Variants in H1-10 observed in about 807,000 individuals in gnomAD.
H1-10 encodes histone H1.10.
For synonymous variants in H1-10, 191 were observed against 140.9 expected, an observed-to-expected ratio of 1.36 and a Z score of -2.52; for missense variants, 307 against 297.9, an observed-to-expected ratio of 1.03 and a Z score of -0.22.
Position 129,315,380 on chromosome 3 carries a change from C to G in H1-10, c.523G>C (p.Gly175Arg). 1 of 1,543,436 alleles carries G rather than the reference C, an allele frequency of 6.5e-7. No individual in the cohort carries two copies. Among genetic ancestry groups the G allele is most frequent in the Non-Finnish European group, 8.7e-7 (1 of 1,151,084 alleles). Residue 175 changes from glycine to arginine, a missense_variant, in exon 1 of 1, where the codon GGC (glycine) becomes CGC (arginine). Coordinates refer to ENST00000333762, the MANE Select transcript of H1-10 (RefSeq NM_006026.4). The part of the protein sequence containing the change: ...QKPEQRSHKK[G>R]AGAKKDKGGK... The stretch of plus-strand genomic sequence containing the variant: ...CCTTTGTCCTTCTTGGCGCCAGCGC[C>G]CTTCTTGTGCGAGCGCTGCTCCGGC...
In H1-10 at chr3:129,315,487, G is replaced by A. The variant is rs749847253; in HGVS notation, c.416C>T (p.Pro139Leu). ...GAPAAATAPA[P>L]TAHKAKKAAP... The stretch of plus-strand genomic sequence containing the variant: ...TGCCTTCTTCGCTTTGTGCGCGGTG[G>A]GGGCCGGGGCGGTGGCGGCCGCCGG... The change falls in exon 1 of 1, where the codon CCC becomes CTC. Residue 139 changes from proline to leucine, a missense_variant. Transcript: ENST00000333762. 6.6e-7 allele frequency: 1 copy of A among 1,510,166 alleles called. No homozygotes were observed. The highest frequency in any genetic ancestry group is 1.2e-5 in the South Asian group (1 of 81,026). 93.5% of individuals were successfully genotyped at this position (1,510,166 alleles called of 1,614,324 possible). A position where few individuals can be genotyped will look rare whatever the true frequency, so the allele number is the denominator to read the frequency against.
In H1-10 at chr3:129,315,897, G is replaced by A. The variant is rs1489333478; in HGVS notation, c.6C>T (p.Ser2=). The change falls in exon 1 of 1, where the codon TCC becomes TCT. Residue 2 remains serine (S), a synonymous_variant. Transcript: ENST00000333762. M[S]VELEEALPVT... ...CTGGCAGGGCCTCCTCGAGCTCCAC[G>A]GACATGGTAGCAAGAGGATTGGTGG... 1.1e-5 allele frequency: 17 copies of A among 1,587,726 alleles called. No individual in the cohort carries two copies. Among genetic ancestry groups the A allele is most frequent in the Middle Eastern group, 1.7e-4 (1 of 5,990 alleles).
chr3:129,315,939 G>A lies in H1-10; in HGVS notation c.-37C>T, dbSNP rs754154984. 1 of 1,503,852 alleles carries A rather than the reference G, an allele frequency of 6.6e-7. No individual in the cohort carries two copies. Among genetic ancestry groups the A allele is most frequent in the Non-Finnish European group, 8.9e-7 (1 of 1,120,940 alleles). 93.2% of individuals were successfully genotyped at this position (1,503,852 alleles called of 1,614,324 possible). A position where few individuals can be genotyped will look rare whatever the true frequency, so the allele number is the denominator to read the frequency against. On this transcript the variant is annotated 5_prime_UTR_variant, in exon 1 of 1. Coordinates refer to ENST00000333762, the MANE Select transcript of H1-10 (RefSeq NM_006026.4). ...GATTGGTGGCGGGCGGCGCGCGGAAGCCGGGGGGCCGCGCCGGGAAGAGGA... is the reference window on the plus strand; with the variant it reads ...GATTGGTGGCGGGCGGCGCGCGGAAACCGGGGGGCCGCGCCGGGAAGAGGA...
chr3:129,315,081 C>A lies in H1-10; in HGVS notation c.*180G>T. Reference sequence around the variant, plus strand: ...TGTTTCAAAAACCTAAAGCAAACAACGAAAAACGCTACATCGTTGGGGGAG... The same window carrying A: ...TGTTTCAAAAACCTAAAGCAAACAAAGAAAAACGCTACATCGTTGGGGGAG... On this transcript the variant is annotated 3_prime_UTR_variant, in exon 1 of 1. Coordinates refer to ENST00000333762, the MANE Select transcript of H1-10 (RefSeq NM_006026.4). 2 of 456,106 alleles carry A rather than the reference C, an allele frequency of 4.4e-6. No homozygotes were observed. Among genetic ancestry groups the A allele is most frequent in the Non-Finnish European group, 7.1e-6 (2 of 280,720 alleles). 28.3% of individuals were successfully genotyped at this position (456,106 alleles called of 1,614,324 possible).
Position 129,315,460 on chromosome 3 carries a change from G to T in H1-10, c.443C>A (p.Ala148Asp), listed in dbSNP as rs2071293205. 1.3e-6 allele frequency: 2 copies of T among 1,508,396 alleles called. No homozygotes were observed. The highest frequency in any genetic ancestry group is 2.5e-5 in the South Asian group (2 of 80,500). The allele number at this position is 1,508,396 out of a possible 1,614,324, so 93.4% of individuals were successfully genotyped here. The change falls in exon 1 of 1, where the codon GCC becomes GAC. Residue 148 changes from alanine to aspartate, a missense_variant. Physicochemically the swap from Ala to Asp is moderately radical, Grantham distance 126. Transcript: ENST00000333762. Reference protein sequence around the residue: ...APTAHKAKKAAPGAAGSRRAD... With the variant: ...APTAHKAKKADPGAAGSRRAD... ...GCGCCGGGAGCCGGCCGCGCCCGGG[G>T]CTGCCTTCTTCGCTTTGTGCGCGGT...
rs952280833 is a variant in H1-10, at chr3:129,315,007, G to GAT, written c.*253_*254insAT. On this transcript the variant is annotated 3_prime_UTR_variant, in exon 1 of 1. Coordinates refer to ENST00000333762, the MANE Select transcript of H1-10 (RefSeq NM_006026.4). ...TCGGCGCCTAGGGGCCAGTAACCAT[G>GAT]ACGACGGCCGTTGCCAAGGCCGAGA... 9.7e-6 allele frequency: 3 copies of GAT among 308,502 alleles called. No homozygotes were observed. The Admixed American group carries it at 1.5e-4, about 16-fold the overall frequency. 19.1% of individuals were successfully genotyped at this position (308,502 alleles called of 1,614,324 possible).
rs987589165 is a variant in H1-10 at position 129,314,837 on chromosome 3, C to T, written c.*424G>A. On this transcript the variant is annotated 3_prime_UTR_variant, in exon 1 of 1. Transcript: ENST00000333762. ...TGGAATGAAGGGAAGAGCCGCGCAG[C>T]CCTGAGCCCGGAGCGATTGTTTGTC... 2 of 157,262 alleles carry T rather than the reference C, an allele frequency of 1.3e-5. No individual in the cohort carries two copies. The highest frequency in any genetic ancestry group is 6.5e-5 in the Admixed American group (1 of 15,412). 9.7% of individuals were successfully genotyped at this position (157,262 alleles called of 1,614,324 possible). A position where few individuals can be genotyped will look rare whatever the true frequency, so the allele number is the denominator to read the frequency against.
chr3:129,315,488 G>GGGCCGGGGCGGTGGC lies in H1-10; in HGVS notation c.400_414dup (p.Ala134_Ala138dup), dbSNP rs1318822838. ...GCCTTCTTCGCTTTGTGCGCGGTGG[G>GGGCCGGGGCGGTGGC]GGCCGGGGCGGTGGCGGCCGCCGGG... On this transcript the variant is annotated inframe_insertion, in exon 1 of 1. Transcript: ENST00000333762. The GGGCCGGGGCGGTGGC allele has an allele frequency of 1.3e-6, 2 of 1,523,628 alleles. No individual in the cohort carries two copies. Among genetic ancestry groups the GGGCCGGGGCGGTGGC allele is most frequent in the African/African-American group, 1.4e-5 (1 of 72,084 alleles). 94.4% of individuals were successfully genotyped at this position (1,523,628 alleles called of 1,614,324 possible).
rs2107706203 is a variant in H1-10, at chr3:129,315,342, C to T, written c.561G>A (p.Lys187=). Reference sequence around the variant, plus strand: ...TCTTGCCCCCGGCGGCCGCCGTCTTCTTGGCCTTGCCGCCTTTGTCCTTCT... The same window carrying T: ...TCTTGCCCCCGGCGGCCGCCGTCTTTTTGGCCTTGCCGCCTTTGTCCTTCT... ...GAKKDKGGKA[K]KTAAAGGKKV... is the part of the protein sequence containing the mutation. Residue 187 remains lysine (K), a synonymous_variant, in exon 1 of 1, where the codon AAG becomes AAA. Transcript: ENST00000333762. The T allele has an allele frequency of 1.3e-6, 2 of 1,531,048 alleles. No homozygotes were observed. The highest frequency in any genetic ancestry group is 1.7e-6 in the Non-Finnish European group (2 of 1,143,528). The allele number at this position is 1,531,048 out of a possible 1,614,324, so 94.8% of individuals were successfully genotyped here. A position where few individuals can be genotyped will look rare whatever the true frequency, so the allele number is the denominator to read the frequency against.
rs558807659 is a variant in H1-10, at chr3:129,315,829, C to G, written c.74G>C (p.Gly25Ala). ...AGATGGGGACAACGCCGCCGAGCCG[C>G]CAGCCTTGGTCACCTTCTTGGCCAT... ...EGMAKKVTKA[G>A]GSAALSPSKK... Residue 25 changes from glycine to alanine, a missense_variant, in exon 1 of 1, where the codon GGC becomes GCC. Transcript: ENST00000333762. The G allele has an allele frequency of 6.2e-7, 1 of 1,603,562 alleles. No homozygotes were observed. The highest frequency in any genetic ancestry group is 1.3e-5 in the African/African-American group (1 of 74,810).
chr3:129,315,221 C>T lies in H1-10; in HGVS notation c.*40G>A. 6 of 1,300,376 alleles carry T rather than the reference C, an allele frequency of 4.6e-6. No individual in the cohort carries two copies. The highest frequency in any genetic ancestry group is 5.8e-6 in the Non-Finnish European group (6 of 1,027,900). The allele number at this position is 1,300,376 out of a possible 1,614,324, so 80.6% of individuals were successfully genotyped here. ...CACTTGGGGTAGAAAAACAAAAACA[C>T]CGAAAAGCCCACGCCGGCCGCTCTG... On this transcript the variant is annotated 3_prime_UTR_variant, in exon 1 of 1. Transcript: ENST00000333762.
chr3:129,315,969 G>C lies in H1-10; in HGVS notation c.-67C>G, dbSNP rs2071300471. The stretch of plus-strand genomic sequence containing the variant: ...GGGGCCGCGCCGGGAAGAGGAAGGC[G>C]AGGGGCCGAGGGGGTGCAGGGGGGC... On this transcript the variant is annotated 5_prime_UTR_variant, in exon 1 of 1. Coordinates refer to ENST00000333762, the MANE Select transcript of H1-10 (RefSeq NM_006026.4). 1 of 1,255,622 alleles carries C rather than the reference G, an allele frequency of 8.0e-7. No individual in the cohort carries two copies. Among genetic ancestry groups the C allele is most frequent in the African/African-American group, 1.6e-5 (1 of 62,954 alleles). 77.8% of individuals were successfully genotyped at this position (1,255,622 alleles called of 1,614,324 possible).
chr3:129,315,653 T>G lies in H1-10; in HGVS notation c.250A>C (p.Asn84His), dbSNP rs2071296027. 4 of 1,589,694 alleles carry G rather than the reference T, an allele frequency of 2.5e-6. No homozygotes were observed. Among genetic ancestry groups the G allele is most frequent in the Non-Finnish European group, 3.4e-6 (4 of 1,169,576 alleles). ...GAGTACTTGAGGTAGGTGCGCCCATTCTGCTGGTCGAACCACGGAACCTTC... is the reference window on the plus strand; with the variant it reads ...GAGTACTTGAGGTAGGTGCGCCCATGCTGCTGGTCGAACCACGGAACCTTC... ...AKKVPWFDQQNGRTYLKYSIK... is the reference protein window; with the variant it reads ...AKKVPWFDQQHGRTYLKYSIK... The change falls in exon 1 of 1, where the codon AAT (asparagine) becomes CAT (histidine). Residue 84 changes from asparagine (N) to histidine (H), a missense_variant. Asn to His is a moderately conservative substitution (Grantham distance 68). Transcript: ENST00000333762.
chr3:129,315,230 C>T lies in H1-10; in HGVS notation c.*31G>A. 7.5e-7 allele frequency: 1 copy of T among 1,324,612 alleles called. No individual in the cohort carries two copies. Among genetic ancestry groups the T allele is most frequent in the Non-Finnish European group, 9.6e-7 (1 of 1,040,934 alleles). The allele number at this position is 1,324,612 out of a possible 1,614,324, so 82.1% of individuals were successfully genotyped here. A position where few individuals can be genotyped will look rare whatever the true frequency, so the allele number is the denominator to read the frequency against. ...TAGAAAAACAAAAACACCGAAAAGC[C>T]CACGCCGGCCGCTCTGACCGGCCGA... On this transcript the variant is annotated 3_prime_UTR_variant, in exon 1 of 1. Transcript: ENST00000333762.
rs770636892 is a variant in H1-10 at position 129,315,324 on chromosome 3, C to G, written c.579G>C (p.Gly193=). ...GGKAKKTAAA[G]GKKVKKAAKP... ...TGGCCGCCTTCTTCACCTTCTTGCC[C>G]CCGGCGGCCGCCGTCTTCTTGGCCT... is the stretch of plus-strand genomic sequence containing the variant. The change falls in exon 1 of 1, where the codon GGG becomes GGC. Residue 193 remains glycine, a synonymous_variant. Transcript: ENST00000333762. The G allele has an allele frequency of 4.0e-6, 6 of 1,514,690 alleles. No homozygotes were observed. In the East Asian group the frequency reaches 1.0e-4, roughly 26 times the overall value. The allele number at this position is 1,514,690 out of a possible 1,614,324, so 93.8% of individuals were successfully genotyped here. A position where few individuals can be genotyped will look rare whatever the true frequency, so the allele number is the denominator to read the frequency against.
chr3:129,315,741 C>G lies in H1-10; in HGVS notation c.162G>C (p.Glu54Asp). ...QPGKYSQLVV[E>D]TIRRLGERNG... Reference sequence around the variant, plus strand: ...TGCGCTCGCCCAGCCTACGGATGGTCTCCACCACCAGCTGGCTGTACTTGC... The same window carrying G: ...TGCGCTCGCCCAGCCTACGGATGGTGTCCACCACCAGCTGGCTGTACTTGC... The change falls in exon 1 of 1, where the codon GAG becomes GAC. Residue 54 changes from glutamate to aspartate, a missense_variant. By Grantham distance (45) the Glu-to-Asp change is conservative (BLOSUM62 2). Coordinates refer to ENST00000333762, the MANE Select transcript of H1-10 (RefSeq NM_006026.4). 1 of 1,596,484 alleles carries G rather than the reference C, an allele frequency of 6.3e-7. No individual in the cohort carries two copies. The highest frequency in any genetic ancestry group is 1.1e-5 in the South Asian group (1 of 87,946).
At position 129,315,297 on chromosome 3, in the gene H1-10, C is replaced by G; in HGVS notation, c.606G>C (p.Lys202Asn). The G allele has an allele frequency of 6.7e-7, 1 of 1,482,202 alleles. No homozygotes were observed. Among genetic ancestry groups the G allele is most frequent in the Non-Finnish European group, 8.9e-7 (1 of 1,117,956 alleles). 91.8% of individuals were successfully genotyped at this position (1,482,202 alleles called of 1,614,324 possible). ...CCTTGGGCACTTTGGGGACGCTGGG[C>G]TTGGCCGCCTTCTTCACCTTCTTGC... ...AGGKKVKKAA[K>N]PSVPKVPKGR... Residue 202 changes from lysine to asparagine, a missense_variant, in exon 1 of 1, where the codon AAG (lysine) becomes AAC (asparagine). Physicochemically the swap from Lys to Asn is moderately conservative, Grantham distance 94. Coordinates refer to ENST00000333762, the MANE Select transcript of H1-10 (RefSeq NM_006026.4).
At position 129,314,972 on chromosome 3, in the gene H1-10, G is replaced by C; in HGVS notation, c.*289C>G. 8.3e-6 allele frequency: 2 copies of C among 240,442 alleles called. No homozygotes were observed. The highest frequency in any genetic ancestry group is 1.6e-5 in the Non-Finnish European group (2 of 126,524). The allele number at this position is 240,442 out of a possible 1,614,324, so 14.9% of individuals were successfully genotyped here. On this transcript the variant is annotated 3_prime_UTR_variant, in exon 1 of 1. Transcript: ENST00000333762. The stretch of plus-strand genomic sequence containing the variant: ...CGACCCCGCCCGGTGGGCAGGCGCG[G>C]CCTCGGCCATCGGCGCCTAGGGGCC...
chr3:129,315,413 C>T lies in H1-10; in HGVS notation c.490G>A (p.Gly164Ser). Residue 164 changes from glycine (G) to serine (S), a missense_variant, in exon 1 of 1, where the codon GGC (glycine) becomes AGC (serine). Transcript: ENST00000333762. ...SRRADKKPAR[G>S]QKPEQRSHKK... ...TGCGAGCGCTGCTCCGGCTTCTGGC[C>T]CCTGGCGGGCTTCTTGTCCGCGCGC... 6 of 1,511,364 alleles carry T rather than the reference C, an allele frequency of 4.0e-6. No individual in the cohort carries two copies. The highest frequency in any genetic ancestry group is 5.3e-6 in the Non-Finnish European group (6 of 1,135,496). The allele number at this position is 1,511,364 out of a possible 1,614,324, so 93.6% of individuals were successfully genotyped here. A position where few individuals can be genotyped will look rare whatever the true frequency, so the allele number is the denominator to read the frequency against.
Sources: gnomAD v4.1 joint callset for allele counts on GRCh38, gnomAD v4.1.1 for gene constraint, MANE v1.5 for transcripts, NCBI Gene and HGNC (gene_info 2026-07-23, HGNC 2026-07-21) for gene names.